SPTAN1: variants seen among roughly 807,000 people sequenced by gnomAD.
SPTAN1 encodes the protein spectrin alpha, non-erythrocytic 1.
Under a neutral mutation model 331.3 loss-of-function variants are expected in SPTAN1, and 61 were observed. That is an observed-to-expected ratio of 0.18 (90% CI 0.15 to 0.23). The LOEUF is 0.23. Among genes scored for constraint, SPTAN1 ranks in the 10% least tolerant of loss-of-function variants. The pLI is 1.00. For synonymous variants in SPTAN1, 1,153 were observed against 1,173.9 expected, an observed-to-expected ratio of 0.98 and a Z score of 0.36; for missense variants, 2,043 against 3,147.9, an observed-to-expected ratio of 0.65 and a Z score of 8.40.
intron 1 of SPTAN1, among the ~76,000 whole-genome samples, chr9:128,562,971 AATATATATATACATGTATGTGTATATAT>A (rs1324553478): frequency 8.4e-6 from 1 of 119,540 alleles, no homozygotes; most frequent in Non-Finnish European, 1.5e-5. Context: ...TCTAAAAAAA[AATATATATATACATGTATGTGTATATAT>A]ATATATATAT....
At chr9:128,609,354 G>A (rs755830467) in intron 36 of SPTAN1, 70 bp downstream of exon 36, 25 of 1,604,328 alleles carry the variant, frequency 1.6e-5, no homozygotes, top group Non-Finnish European at 1.9e-5. Flanking sequence ...GTTAAATAAA[G>A]CATTTATAAA....
chr9:128,558,851 G>A (rs919736916), intron 1 of SPTAN1, among the ~76,000 whole-genome samples: 3 of 152,192 alleles, frequency 2.0e-5, no homozygotes, highest in Non-Finnish European at 4.4e-5. Context: ...AGCACCTTTG[G>A]ATGGCAGGAA....
At position 128,602,964 on chromosome 9, in the gene SPTAN1, C is replaced by CTACGTTGTTGAAATG. The variant is rs538479900; in HGVS notation, c.3580-535_3580-521dup. 2.6e-3 allele frequency among the ~76,000 whole-genome samples: 389 copies of CTACGTTGTTGAAATG among 152,064 alleles called. 8 individuals are homozygous for CTACGTTGTTGAAATG. In the East Asian group the frequency reaches 0.03, roughly 12 times the overall value. ...AGGGACTTTAGGTTTTTAGAAGTAG[C>CTACGTTGTTGAAATG]TACGTTGTTGAAATGTACGTTGTTG... On this transcript the variant is annotated intron_variant, in intron 27 of 56. Transcript: ENST00000372739.
rs762062651 is a variant in SPTAN1 at position 128,609,167 on chromosome 9, A to G, written c.4641A>G (p.Leu1547=). 1.2e-6 allele frequency: 2 copies of G among 1,614,184 alleles called. No homozygotes were observed. The highest frequency in any genetic ancestry group is 1.7e-6 in the Non-Finnish European group (2 of 1,180,038). The change falls in exon 36 of 57, where the codon CTA becomes CTG. Residue 1547 remains leucine (L), a synonymous_variant. Transcript: ENST00000372739. ...KAQMIEKRSK[L]GESQTLQQFS... Reference sequence around the variant, plus strand: ...AGATGATTGAGAAAAGGTCAAAGCTAGGAGAATCTCAAACCCTCCAACAGT... The same window carrying G: ...AGATGATTGAGAAAAGGTCAAAGCTGGGAGAATCTCAAACCCTCCAACAGT...
chr9:128,562,789 G>C (rs142153107), intron 1 of SPTAN1, among the ~76,000 whole-genome samples: 3,349 of 151,464 alleles, frequency 0.022, 110 homozygotes, highest in African/African-American at 0.077. Flanking sequence ...ACGGTGAAAC[G>C]CCATCTCTAC....
chr9:128,594,065 T>G (rs1853895171), intron 23 of SPTAN1, 110 bp from the exon 24 acceptor site: 1 of 1,023,380 alleles, frequency 9.8e-7, no homozygotes. Context: ...CATTACAAAC[T>G]CGTAGCCTGG....
At chr9:128,604,800 G>A (rs557639946) in intron 29 of SPTAN1, among the ~76,000 whole-genome samples, 2 of 152,234 alleles carry the variant, frequency 1.3e-5, no homozygotes, top group South Asian at 4.1e-4. Flanking sequence ...GCATGGTGGT[G>A]GGCGCCTGTA....
At position 128,626,295 on chromosome 9, in the gene SPTAN1, T is replaced by C. The variant is rs140466374; in HGVS notation, c.6280-96T>C. 4,609 of 1,465,546 alleles carry C rather than the reference T, an allele frequency of 3.1e-3. 136 individuals carry two copies. The East Asian group carries it at 0.052, about 17-fold the overall frequency. The allele number at this position is 1,465,546 out of a possible 1,614,324, so 90.8% of individuals were successfully genotyped here. The stretch of plus-strand genomic sequence containing the variant: ...AAGCTCCCAGCAGGCTGTGTGCGCC[T>C]CTGATTCCCAGGAACCACCCCGCAC... On this transcript the variant is annotated intron_variant, in intron 48 of 56. Coordinates refer to ENST00000372739, the MANE Select transcript of SPTAN1 (RefSeq NM_001130438.3).
chr9:128,611,708 T>C lies in SPTAN1; in HGVS notation c.4774-6T>C, dbSNP rs1194734457. 6.2e-7 allele frequency: 1 copy of C among 1,613,980 alleles called. No homozygotes were observed. Among genetic ancestry groups the C allele is most frequent in the South Asian group, 1.1e-5 (1 of 91,086 alleles). ...GGTTTGGAAAAAATTTTTTTGGTAT[T>C]TTTAGAGCAAGCACCAGAAGCACCA... On this transcript the variant is annotated splice_polypyrimidine_tract_variant and splice_region_variant and intron_variant, in intron 37 of 56. Coordinates refer to ENST00000372739, the MANE Select transcript of SPTAN1 (RefSeq NM_001130438.3).
chr9:128,559,023 T>C (rs914659571), intron 1 of SPTAN1, among the ~76,000 whole-genome samples: 50 of 152,206 alleles, frequency 3.3e-4, no homozygotes, highest in African/African-American at 1.1e-3. Flanking sequence ...TGTTTTTTGG[T>C]GTCTCCTGTA....
At chr9:128,567,862 G>A (rs1386241135) in intron 2 of SPTAN1, among the ~76,000 whole-genome samples, 1 of 151,944 alleles carries the variant, frequency 6.6e-6, no homozygotes, top group African/African-American at 2.4e-5. Flanking sequence ...CCAGATTCAA[G>A]TGATTCTCCT....
chr9:128,617,692 G>A lies in SPTAN1; in HGVS notation c.5410G>A (p.Val1804Met). Reference protein sequence around the residue: ...SEDYGRDLTGVQNLRKKHKRL... With the variant: ...SEDYGRDLTGMQNLRKKHKRL... ...GGACTACGGCCGGGACCTAACCGGC[G>A]TGCAGAACCTGAGGAAGAAGCACAA... The change falls in exon 42 of 57, where the codon GTG (valine) becomes ATG (methionine). Residue 1804 changes from valine to methionine, a missense_variant. This residue lies in a region of SPTAN1 where 323 missense variants were observed against 581.1 expected (regional missense o/e 0.56). Transcript: ENST00000372739. 6 of 1,614,112 alleles carry A rather than the reference G, an allele frequency of 3.7e-6. No homozygotes were observed. Among genetic ancestry groups the A allele is most frequent in the Non-Finnish European group, 5.1e-6 (6 of 1,179,980 alleles).
chr9:128,617,822 C>A, intron 42 of SPTAN1, 62 bp downstream of exon 42: 1 of 1,612,308 alleles, frequency 6.2e-7, no homozygotes. Context: ...AGGGGACAGA[C>A]AAACCCCTTG....
At position 128,584,490 on chromosome 9, in the gene SPTAN1, G is replaced by C; in HGVS notation, c.2402G>C (p.Arg801Pro). The C allele has an allele frequency of 6.2e-7, 1 of 1,614,148 alleles. No homozygotes were observed. Among genetic ancestry groups the C allele is most frequent in the Non-Finnish European group, 8.5e-7 (1 of 1,180,032 alleles). Residue 801 changes from arginine to proline, a missense_variant, in exon 17 of 57, where the codon CGA becomes CCA. Arg to Pro is a moderately radical substitution (Grantham distance 103, BLOSUM62 -2). Transcript: ENST00000372739. ...GTTGAGGATGAGGAGACGTGGATTCGAGAGAAAGAGCCCATTGCCGCATCT... is the reference window on the plus strand; with the variant it reads ...GTTGAGGATGAGGAGACGTGGATTCCAGAGAAAGAGCCCATTGCCGCATCT... Reference protein sequence around the residue: ...RDVEDEETWIREKEPIAASTN... With the variant: ...RDVEDEETWIPEKEPIAASTN...
intron 11 of SPTAN1, 94 bp downstream of exon 11, chr9:128,581,153 G>GAAC: frequency 1.9e-6 from 3 of 1,542,492 alleles, no homozygotes; most frequent in Non-Finnish European, 2.7e-6. Context: ...TAGGACATCA[G>GAAC]TACCATGTTA....
chr9:128,554,181 C>T (rs777375392), intron 1 of SPTAN1, among the ~76,000 whole-genome samples: 4 of 152,122 alleles, frequency 2.6e-5, no homozygotes, highest in Non-Finnish European at 5.9e-5. Context: ...CAAAGGGACC[C>T]TCAAAGTGTG....
In SPTAN1 at chr9:128,582,468, T is replaced by G; in HGVS notation, c.1573-11T>G. 1 of 1,613,932 alleles carries G rather than the reference T, an allele frequency of 6.2e-7. No homozygotes were observed. The highest frequency in any genetic ancestry group is 8.5e-7 in the Non-Finnish European group (1 of 1,179,822). On this transcript the variant is annotated splice_polypyrimidine_tract_variant and intron_variant, in intron 12 of 56. Coordinates refer to ENST00000372739, the MANE Select transcript of SPTAN1 (RefSeq NM_001130438.3). ...TGCTTACCAATGAAGAACTCTTATC[T>G]TCCTTCCTAGGCATTAGATGAATTT...
At position 128,583,864 on chromosome 9, in the gene SPTAN1, A is replaced by G; in HGVS notation, c.2088A>G (p.Glu696=). 2.5e-6 allele frequency: 4 copies of G among 1,614,246 alleles called. No individual in the cohort carries two copies. In the South Asian group the frequency reaches 4.4e-5, roughly 18 times the overall value. Residue 696 remains glutamate (E), a synonymous_variant, in exon 16 of 57, where the codon GAA becomes GAG. Transcript: ENST00000372739. ...AGGATATTGAATTGTGGCTATATGA[A>G]GTAGAAGGTCACTTGGCTTCGGATG... ...NVEDIELWLY[E]VEGHLASDDY...
chr9:128,583,991 GGTTGGGCAA>G (rs1182791940), intron 16 of SPTAN1, 22 bp downstream of exon 16: 7 of 1,613,970 alleles, frequency 4.3e-6, no homozygotes, highest in Non-Finnish European at 5.9e-6. Flanking sequence ...TGGGGGCTGT[GGTTGGGCAA>G]GTGAATGCAG....
Sources: allele counts gnomAD v4.1 joint callset (sites outside exome capture counted in the v4.1 genomes callset), GRCh38; gene constraint gnomAD v4.1.1; regional missense constraint gnomAD v4.1.1; transcripts MANE v1.5; gene names NCBI Gene and HGNC (gene_info 2026-07-23, HGNC 2026-07-21).